Variants in FNBP1 observed in about 807,000 individuals in gnomAD.
The protein encoded by FNBP1 is formin-binding protein 1.
FNBP1 carries 26 observed loss-of-function variants against 90.6 expected under a neutral mutation model. The ratio of observed to expected loss-of-function variants is 0.29; its 90% CI spans 0.21 to 0.40. The LOEUF is 0.40. Among genes scored for constraint, FNBP1 ranks in the 10% least tolerant of loss-of-function variants. FNBP1 has a pLI of 1.00. For missense variants in FNBP1, 635 were observed against 768.0 expected, an observed-to-expected ratio of 0.83 and a Z score of 2.05; for synonymous variants, 260 against 265.2, an observed-to-expected ratio of 0.98 and a Z score of 0.19.
rs2059979322 is a variant in FNBP1, at chr9:130,042,979, G to A, written c.-4C>T. 1.6e-6 allele frequency: 2 copies of A among 1,225,584 alleles called. No homozygotes were observed. Among genetic ancestry groups the A allele is most frequent in the African/African-American group, 1.6e-5 (1 of 64,110 alleles). 75.9% of individuals were successfully genotyped at this position (1,225,584 alleles called of 1,614,324 possible). Reference sequence around the variant, plus strand: ...AGAGCTCGGTGCCCCAGCTCATGGTGCAGGGGACGCGAAGGGGCGCTCCGC... The same window carrying A: ...AGAGCTCGGTGCCCCAGCTCATGGTACAGGGGACGCGAAGGGGCGCTCCGC... On this transcript the variant is annotated 5_prime_UTR_variant, in exon 1 of 17. Transcript: ENST00000446176. The surrounding 1 kb of genome is among the most constrained non-coding windows in gnomAD (Gnocchi z 5.5).
At chr9:130,012,400 C>G (rs2056729443) in intron 1 of FNBP1, among the ~76,000 whole-genome samples, 1 of 152,078 alleles carries the variant, frequency 6.6e-6, no homozygotes, top group Admixed American at 6.6e-5. Context: ...TCATCATCAT[C>G]ATCATTGTCA....
chr9:129,998,033 TA>T (rs1239941854), intron 1 of FNBP1, among the ~76,000 whole-genome samples: 1 of 147,106 alleles, frequency 6.8e-6, no homozygotes, highest in Non-Finnish European at 1.5e-5. Flanking sequence ...TCATCTCTAC[TA>T]AAAATACAAA....
At chr9:129,929,889 A>G (rs564639673) in intron 6 of FNBP1, among the ~76,000 whole-genome samples, 194 bp from the exon 7 acceptor site, 318 of 151,994 alleles carry the variant, frequency 2.1e-3, no homozygotes, top group African/African-American at 7.6e-3. Context: ...GTTTGTATAA[A>G]CCTCCACCAT....
At chr9:129,946,147 C>T (rs989978364) in intron 6 of FNBP1, among the ~76,000 whole-genome samples, 1 of 151,788 alleles carries the variant, frequency 6.6e-6, no homozygotes, top group Non-Finnish European at 1.5e-5. Context: ...CCATCCTGAG[C>T]GACAGACCAA....
chr9:130,053,856 C>T, the FNBP1 span: 1 of 1,401,556 alleles, frequency 7.1e-7, no homozygotes, highest in Non-Finnish European at 9.8e-7. Flanking sequence ...CCCCGCTCCC[C>T]GGGCCCTTCC....
chr9:129,992,802 T>C (rs958338420), intron 2 of FNBP1, among the ~76,000 whole-genome samples: 2 of 150,236 alleles, frequency 1.3e-5, no homozygotes, highest in African/African-American at 4.9e-5. Flanking sequence ...TCCACCTGCC[T>C]TGGCCTCCCA....
At chr9:129,906,719 T>C (rs893795696) in intron 12 of FNBP1, among the ~76,000 whole-genome samples, 1 of 152,208 alleles carries the variant, frequency 6.6e-6, no homozygotes, top group African/African-American at 2.4e-5. Flanking sequence ...CTGCAGTTGT[T>C]AGATGTTTAT....
intron 6 of FNBP1, among the ~76,000 whole-genome samples, chr9:129,949,953 G>A (rs891807940): frequency 1.3e-5 from 2 of 152,116 alleles, no homozygotes; most frequent in South Asian, 2.1e-4. Flanking sequence ...CAGGCTTACC[G>A]TTCCCAGTGC....
chr9:129,987,977 C>A (rs1033444826), intron 2 of FNBP1, among the ~76,000 whole-genome samples: 1 of 152,024 alleles, frequency 6.6e-6, no homozygotes, highest in Non-Finnish European at 1.5e-5. Context: ...TAAAAACAGA[C>A]CAAGACTTGA....
the FNBP1 span, among the ~76,000 whole-genome samples, chr9:130,052,798 A>G: frequency 6.6e-6 from 1 of 152,034 alleles, no homozygotes; most frequent in African/African-American, 2.4e-5. Flanking sequence ...CAAAGATGCC[A>G]CTTAACTTTA....
chr9:130,015,538 A>G lies in FNBP1; in HGVS notation c.25-20580T>C, dbSNP rs1207042601. 2.6e-5 allele frequency among the ~76,000 whole-genome samples: 4 copies of G among 152,224 alleles called. No homozygotes were observed. The East Asian group carries it at 7.7e-4, about 29-fold the overall frequency. On this transcript the variant is annotated intron_variant, in intron 1 of 16. Coordinates refer to ENST00000446176, the MANE Select transcript of FNBP1 (RefSeq NM_015033.3). ...GCCCAGGTCTTTACTAGAAAAGGTG[A>G]ACCAATTACACACTCACCAACAGTA... is the stretch of plus-strand genomic sequence containing the variant.
chr9:129,985,986 A>T (rs1236467138), intron 2 of FNBP1, among the ~76,000 whole-genome samples: 1 of 145,670 alleles, frequency 6.9e-6, no homozygotes, highest in East Asian at 2.0e-4. Context: ...AAAAAAAAAA[A>T]TTCGCCAGGT....
At chr9:129,982,039 A>G (rs1180820321) in intron 2 of FNBP1, among the ~76,000 whole-genome samples, 1 of 152,208 alleles carries the variant, frequency 6.6e-6, no homozygotes, top group African/African-American at 2.4e-5. Context: ...AATGTGAAAA[A>G]GCAATTATTT....
intron 1 of FNBP1, among the ~76,000 whole-genome samples, chr9:130,022,979 AAAAAAC>A (rs2057991726): frequency 6.6e-6 from 1 of 152,180 alleles, no homozygotes; most frequent in Admixed American, 6.6e-5. Flanking sequence ...AGACCCTGTC[AAAAAAC>A]AAAAACAAAA....
the FNBP1 span, among the ~76,000 whole-genome samples, chr9:130,050,036 C>T: frequency 2.6e-5 from 4 of 152,124 alleles, no homozygotes; most frequent in African/African-American, 7.2e-5. Context: ...GCAGCAGGAC[C>T]GCCTGCCTGA....
At chr9:130,053,777 T>C in the FNBP1 span, 1 of 683,392 alleles carries the variant, frequency 1.5e-6, no homozygotes, top group Non-Finnish European at 2.5e-6. Context: ...CAGCACAGGC[T>C]CCTCGACGAC....
intron 9 of FNBP1, among the ~76,000 whole-genome samples, chr9:129,924,309 AC>A (rs957933427): frequency 2.6e-5 from 4 of 152,304 alleles, no homozygotes; most frequent in Admixed American, 2.6e-4. Flanking sequence ...GTTACTCTAA[AC>A]CAGCTTAAGC....
At chr9:130,049,582 G>GC in the FNBP1 span, among the ~76,000 whole-genome samples, 1 of 151,786 alleles carries the variant, frequency 6.6e-6, no homozygotes, top group African/African-American at 2.4e-5. Context: ...GCACGGTTGT[G>GC]CTTAGCTACT....
chr9:130,041,701 G>C lies in FNBP1; in HGVS notation c.24+1251C>G, dbSNP rs1376592335. Reference sequence around the variant, plus strand: ...AATTTAAGGGAGCTATTGCCCTCAGGATTTTGGTAATAACAACCGTAGCTG... The same window carrying C: ...AATTTAAGGGAGCTATTGCCCTCAGCATTTTGGTAATAACAACCGTAGCTG... On this transcript the variant is annotated intron_variant, in intron 1 of 16. Transcript: ENST00000446176. The surrounding 1 kb of genome is among the most constrained non-coding windows in gnomAD (Gnocchi z 4.3). 6.6e-6 allele frequency among the ~76,000 whole-genome samples: 1 copy of C among 152,152 alleles called. No individual in the cohort carries two copies. Among genetic ancestry groups the C allele is most frequent in the African/African-American group, 2.4e-5 (1 of 41,434 alleles).
Sources: allele counts gnomAD v4.1 joint callset (sites outside exome capture counted in the v4.1 genomes callset), GRCh38; gene constraint gnomAD v4.1.1; non-coding constraint Gnocchi (gnomAD v3.1); transcripts MANE v1.5; gene names NCBI Gene and HGNC (gene_info 2026-07-23, HGNC 2026-07-21).